AOAH: variants seen among roughly 807,000 people sequenced by gnomAD.
AOAH encodes the protein acyloxyacyl hydrolase, also known as acyloxyacyl hydrolase (neutrophil).
In AOAH, 64 loss-of-function variants were observed where a neutral mutation model predicts 92.2. The observed-to-expected ratio is 0.69, with a 90% CI of 0.57 to 0.86. The LOEUF (loss-of-function observed/expected upper bound fraction) is 0.86, where lower values mean the gene tolerates loss of function less well. AOAH is among the 40% of genes least tolerant of loss of function. The pLI is 0.00. For missense variants in AOAH, 656 were observed against 694.6 expected (o/e 0.94, Z 0.62); for synonymous variants, 263 against 254.5 (o/e 1.03, Z -0.32).
intron 1 of AOAH, among the ~76,000 whole-genome samples, chr7:36,713,515 C>G: frequency 6.6e-6 from 1 of 152,222 alleles, no homozygotes; most frequent in Non-Finnish European, 1.5e-5. Flanking sequence ...CCCAAATCAA[C>G]AGAATATACT....
In AOAH at chr7:36,516,287, C is replaced by T. The variant is rs375010687; in HGVS notation, c.1600-2907G>A. On this transcript the variant is annotated intron_variant, in intron 20 of 20. Coordinates refer to ENST00000617537, the MANE Select transcript of AOAH (RefSeq NM_001637.4). This position sits in a 1 kb window ranked among gnomAD's most constrained non-coding sequence, Gnocchi z 5.0. ...ACTCACCACATACACATATAACATA[C>T]ACACACCCCCCCACACAGATACCAC... is the stretch of plus-strand genomic sequence containing the variant. Among the ~76,000 whole-genome samples, 150 of 150,546 alleles carry T rather than the reference C, an allele frequency of 1.0e-3. 1 individual carries two copies. Among genetic ancestry groups the T allele is most frequent in the African/African-American group, 3.5e-3 (145 of 40,878 alleles).
chr7:36,694,194 G>A (rs1414121126), intron 1 of AOAH, among the ~76,000 whole-genome samples: 5 of 152,126 alleles, frequency 3.3e-5, no homozygotes, highest in African/African-American at 1.2e-4. Flanking sequence ...GCAAGACCCT[G>A]TGAAAGCCTA....
At chr7:36,632,268 C>A (rs530069085) in intron 5 of AOAH, among the ~76,000 whole-genome samples, 162 bp from the exon 6 acceptor site, 3 of 152,268 alleles carry the variant, frequency 2.0e-5, no homozygotes, top group African/African-American at 7.2e-5. Context: ...TCCCCACCAT[C>A]CATATCCATG....
intron 11 of AOAH, among the ~76,000 whole-genome samples, chr7:36,604,974 A>G (rs987549855): frequency 6.6e-6 from 1 of 152,148 alleles, no homozygotes; most frequent in African/African-American, 2.4e-5. Context: ...GCTATCCTCA[A>G]TTTCTGCCTC....
At chr7:36,547,768 T>C (rs1785905500) in intron 15 of AOAH, among the ~76,000 whole-genome samples, 1 of 152,152 alleles carries the variant, frequency 6.6e-6, no homozygotes. Context: ...AAATGTTATA[T>C]AGGAACTAAG....
intron 1 of AOAH, among the ~76,000 whole-genome samples, chr7:36,691,962 T>A (rs1474035166): frequency 6.6e-6 from 1 of 152,210 alleles, no homozygotes; most frequent in African/African-American, 2.4e-5. Context: ...ACCTAGATCA[T>A]TCCAGATCAC....
chr7:36,589,602 G>T (rs576245457), intron 12 of AOAH, among the ~76,000 whole-genome samples: 1 of 152,322 alleles, frequency 6.6e-6, no homozygotes, highest in South Asian at 2.1e-4. Context: ...ATGAGCGTGG[G>T]AGAGAACGTC....
In AOAH at chr7:36,711,806, G is replaced by A. The variant is rs1356820156; in HGVS notation, c.127+12216C>T. Among the ~76,000 whole-genome samples, 3 of 152,138 alleles carry A rather than the reference G, an allele frequency of 2.0e-5. No homozygotes were observed. The East Asian group carries it at 5.8e-4, about 29-fold the overall frequency. ...GCCAATGTCCAGACTGCATGGCTAA[G>A]CCAAGACCATGAACCCCACCAACCC... On this transcript the variant is annotated intron_variant, in intron 1 of 20. Coordinates refer to ENST00000617537, the MANE Select transcript of AOAH (RefSeq NM_001637.4).
At chr7:36,525,973 C>T (rs941748389) in intron 19 of AOAH, among the ~76,000 whole-genome samples, 6 of 152,028 alleles carry the variant, frequency 3.9e-5, no homozygotes, top group Non-Finnish European at 5.9e-5. Flanking sequence ...CCAAGCTTTG[C>T]GGGGGAATAG....
intron 1 of AOAH, among the ~76,000 whole-genome samples, chr7:36,688,846 T>C (rs1430712590): frequency 6.6e-6 from 1 of 152,056 alleles, no homozygotes; most frequent in Non-Finnish European, 1.5e-5. Flanking sequence ...TATATATATG[T>C]GTATATGTAT....
intron 8 of AOAH, among the ~76,000 whole-genome samples, chr7:36,621,080 A>C (rs972369574): frequency 2.6e-5 from 4 of 152,196 alleles, no homozygotes; most frequent in African/African-American, 9.7e-5. Flanking sequence ...TGTCTTTTTC[A>C]TCATTGACTA....
At chr7:36,674,242 A>G (rs2116661792) in intron 2 of AOAH, among the ~76,000 whole-genome samples, 1 of 152,328 alleles carries the variant, frequency 6.6e-6, no homozygotes, top group Admixed American at 6.5e-5. Context: ...AATTTATTCT[A>G]AAAACACAGT....
At chr7:36,617,813 C>T (rs543125832) in intron 10 of AOAH, among the ~76,000 whole-genome samples, 13 of 152,288 alleles carry the variant, frequency 8.5e-5, no homozygotes, top group African/African-American at 3.1e-4. Flanking sequence ...TTGGGAAGCC[C>T]TCACAAGTTA....
intron 12 of AOAH, 123 bp downstream of exon 12, chr7:36,594,216 A>C: frequency 1.3e-6 from 1 of 777,662 alleles, no homozygotes; most frequent in Non-Finnish European, 2.2e-6. Context: ...GATGAACTCA[A>C]ATTCATGTTC....
At position 36,636,837 on chromosome 7, in the gene AOAH, G is replaced by A. The variant is rs553604270; in HGVS notation, c.450+1014C>T. Reference sequence around the variant, plus strand: ...CTGGGCATCCCATATTTTTACTTGCGAAATCTGGCAAGCCTAGCCATGAGG... The same window carrying A: ...CTGGGCATCCCATATTTTTACTTGCAAAATCTGGCAAGCCTAGCCATGAGG... On this transcript the variant is annotated intron_variant, in intron 5 of 20. Coordinates refer to ENST00000617537, the MANE Select transcript of AOAH (RefSeq NM_001637.4). 1.2e-4 allele frequency among the ~76,000 whole-genome samples: 18 copies of A among 152,236 alleles called. No homozygotes were observed. In the South Asian group the frequency reaches 2.1e-3, roughly 18 times the overall value.
chr7:36,575,356 T>C (rs1583856407), intron 13 of AOAH, among the ~76,000 whole-genome samples: 1 of 152,146 alleles, frequency 6.6e-6, no homozygotes, highest in East Asian at 1.9e-4. Flanking sequence ...AGGAAGAGAG[T>C]CTTGGTTTCT....
At chr7:36,582,472 T>C (rs886527547) in intron 12 of AOAH, among the ~76,000 whole-genome samples, 20 of 152,198 alleles carry the variant, frequency 1.3e-4, no homozygotes, top group Non-Finnish European at 2.1e-4. Context: ...TTTTGATTTC[T>C]AGCACCGTAA....
intron 3 of AOAH, chr7:36,661,256 T>C (rs1795196991): frequency 6.6e-6 from 1 of 152,212 alleles, no homozygotes; most frequent in Non-Finnish European, 1.5e-5. Context: ...ACATTTGGAA[T>C]TGGTGTTAAA....
At chr7:36,578,440 C>G (rs986055164) in intron 12 of AOAH, among the ~76,000 whole-genome samples, 12 of 152,160 alleles carry the variant, frequency 7.9e-5, no homozygotes, top group Admixed American at 5.2e-4. Flanking sequence ...TCAACAAAGA[C>G]TTGAGGTGGT....
Sources: gnomAD v4.1 joint callset for allele counts (sites outside exome capture counted in the v4.1 genomes callset) on GRCh38, gnomAD v4.1.1 for gene constraint, Gnocchi (gnomAD v3.1) non-coding constraint, MANE v1.5 for transcripts, NCBI Gene and HGNC (gene_info 2026-07-23, HGNC 2026-07-21) for gene names.